The following POU1F1 variants were observed in gnomAD, a reference collection of about 807,000 sequenced individuals.
POU1F1 encodes POU class 1 homeobox 1, also known as pituitary-specific positive transcription factor 1.
Under a neutral mutation model 32.3 loss-of-function variants are expected in POU1F1, and 23 were observed. The observed-to-expected ratio is 0.71, with a 90% CI of 0.51 to 1.01. The LOEUF is 1.01. Among genes scored for constraint, POU1F1 ranks in the 50% least tolerant of loss-of-function variants. POU1F1 has a pLI of 0.00. For synonymous variants in POU1F1, 120 were observed against 115.6 expected, an observed-to-expected ratio of 1.04 and a Z score of -0.25; for missense variants, 323 against 341.6, an observed-to-expected ratio of 0.95 and a Z score of 0.43.
intron 1 of POU1F1, among the ~76,000 whole-genome samples, chr3:87,275,213 C>A (rs916093814): frequency 1.3e-5 from 2 of 151,862 alleles, no homozygotes; most frequent in African/African-American, 2.4e-5. Context: ...TTACAGAAAT[C>A]TTTGGCGGAT....
At chr3:87,273,196 G>T in intron 2 of POU1F1, 151 bp downstream of exon 2, 1 of 837,322 alleles carries the variant, frequency 1.2e-6, no homozygotes, top group Non-Finnish European at 1.9e-6. Context: ...GTGTCACAGA[G>T]CAGGAAACAA....
At chr3:87,272,222 T>C (rs1213055882) in intron 2 of POU1F1, among the ~76,000 whole-genome samples, 1 of 151,794 alleles carries the variant, frequency 6.6e-6, no homozygotes, top group Non-Finnish European at 1.5e-5. Context: ...CACACACACA[T>C]TTACTCACAC....
At chr3:87,275,104 T>G (rs1232206778) in intron 1 of POU1F1, among the ~76,000 whole-genome samples, 3 of 151,986 alleles carry the variant, frequency 2.0e-5, no homozygotes, top group Non-Finnish European at 2.9e-5. Context: ...TATGTGGTAA[T>G]TGCTTAGATT....
intron 2 of POU1F1, among the ~76,000 whole-genome samples, chr3:87,269,639 T>A (rs1299250579): frequency 6.6e-6 from 1 of 152,186 alleles, no homozygotes; most frequent in East Asian, 1.9e-4. Flanking sequence ...CTGATTTCCG[T>A]TTTCTTCTGT....
intron 1 of POU1F1, 67 bp from the exon 2 acceptor site, chr3:87,273,485 A>G (rs1559618865): frequency 4.4e-6 from 7 of 1,605,060 alleles, no homozygotes; most frequent in Non-Finnish European, 5.1e-6. Flanking sequence ...ATCAAAGACA[A>G]AATAGATGGG....
intron 2 of POU1F1, among the ~76,000 whole-genome samples, chr3:87,269,099 C>T (rs1019643102): frequency 6.6e-6 from 1 of 152,158 alleles, no homozygotes; most frequent in African/African-American, 2.4e-5. Context: ...GAACATGTAT[C>T]TGAATATTTC....
chr3:87,274,172 A>G (rs1706783152), intron 1 of POU1F1, among the ~76,000 whole-genome samples: 3 of 152,134 alleles, frequency 2.0e-5, no homozygotes, highest in African/African-American at 7.2e-5. Flanking sequence ...ATATCCATAA[A>G]GCCATAAAGC....
chr3:87,266,487 C>A lies in POU1F1; in HGVS notation c.215-1975G>T, dbSNP rs1404356792. Reference sequence around the variant, plus strand: ...TGAGAGATTAAACAAATTAGCATAACATAAATTTATCTGCTCTAAAGCTGG... The same window carrying A: ...TGAGAGATTAAACAAATTAGCATAAAATAAATTTATCTGCTCTAAAGCTGG... On this transcript the variant is annotated intron_variant, in intron 2 of 5. Coordinates refer to ENST00000350375, the MANE Select transcript of POU1F1 (RefSeq NM_000306.4). Among the ~76,000 whole-genome samples the A allele has an allele frequency of 4.6e-5, 7 of 150,734 alleles. No individual in the cohort carries two copies. The South Asian group carries it at 1.0e-3, about 22-fold the overall frequency.
At chr3:87,262,967 G>A (rs1026130424) in intron 3 of POU1F1, among the ~76,000 whole-genome samples, 2 of 152,010 alleles carry the variant, frequency 1.3e-5, no homozygotes, top group African/African-American at 2.4e-5. Flanking sequence ...ACATGTAATA[G>A]CTACATATTA....
chr3:87,263,603 A>G (rs1706552023), intron 3 of POU1F1, among the ~76,000 whole-genome samples: 1 of 152,126 alleles, frequency 6.6e-6, no homozygotes, highest in African/African-American at 2.4e-5. Flanking sequence ...TTGATCAAGC[A>G]ATTGTGCTTC....
chr3:87,271,083 T>C (rs1451597032), intron 2 of POU1F1, among the ~76,000 whole-genome samples: 2 of 152,082 alleles, frequency 1.3e-5, no homozygotes, highest in East Asian at 3.9e-4. Context: ...CTCCAGACCT[T>C]GGTGTAAGTC....
intron 2 of POU1F1, among the ~76,000 whole-genome samples, chr3:87,266,365 A>G (rs1032583894): frequency 6.8e-6 from 1 of 147,262 alleles, no homozygotes; most frequent in Non-Finnish European, 1.5e-5. Context: ...AATTATAAAT[A>G]TATAATTATA....
chr3:87,276,335 T>C lies in POU1F1; in HGVS notation c.128A>G (p.Asn43Ser), dbSNP rs144297311. ...GGAGTCAGTACCTGTAGACATCACATTGGTGGCATGGTTGGAGACTGGTAG... is the reference window on the plus strand; with the variant it reads ...GGAGTCAGTACCTGTAGACATCACACTGGTGGCATGGTTGGAGACTGGTAG... ...ECLPVSNHAT[N>S]VMSTATGLHY... The change falls in exon 1 of 6, where the codon AAT becomes AGT. Residue 43 changes from asparagine to serine, a missense_variant. Transcript: ENST00000350375. The C allele has an allele frequency of 1.5e-5, 24 of 1,613,832 alleles. No homozygotes were observed. In the South Asian group the frequency reaches 1.9e-4, roughly 13 times the overall value.
rs1354885937 is a variant in POU1F1 at position 87,276,367 on chromosome 3, G to C, written c.96C>G (p.Ala32=). The change falls in exon 1 of 6, where the codon GCC becomes GCG. Residue 32 remains alanine, a synonymous_variant. Coordinates refer to ENST00000350375, the MANE Select transcript of POU1F1 (RefSeq NM_000306.4). The part of the protein sequence containing the change: ...TLPLIMHHSA[A]ECLPVSNHAT... ...CATGGTTGGAGACTGGTAGACACTC[G>C]GCAGCACTGTGATGCATTATCAGAG... is the stretch of plus-strand genomic sequence containing the variant. 1.2e-6 allele frequency: 2 copies of C among 1,613,806 alleles called. No individual in the cohort carries two copies. The highest frequency in any genetic ancestry group is 1.7e-6 in the Non-Finnish European group (2 of 1,179,930).
chr3:87,261,091 A>G (rs1706505995), intron 5 of POU1F1, among the ~76,000 whole-genome samples, 182 bp downstream of exon 5: 1 of 151,910 alleles, frequency 6.6e-6, no homozygotes, highest in Admixed American at 6.6e-5. Flanking sequence ...TTGTATTTTT[A>G]GTAGAAACAG....
chr3:87,259,606 C>T lies in POU1F1; in HGVS notation c.*288G>A, dbSNP rs1342909893. 14 of 384,512 alleles carry T rather than the reference C, an allele frequency of 3.6e-5. No individual in the cohort carries two copies. The highest frequency in any genetic ancestry group is 1.3e-4 in the South Asian group (5 of 38,096). The allele number at this position is 384,512 out of a possible 1,614,324, so 23.8% of individuals were successfully genotyped here. On this transcript the variant is annotated 3_prime_UTR_variant, in exon 6 of 6. Transcript: ENST00000350375. Reference sequence around the variant, plus strand: ...TTATAAACCCATACTCATATGTCTGCGTGTGTGTGAGAAAGAGAGCGGGAG... The same window carrying T: ...TTATAAACCCATACTCATATGTCTGTGTGTGTGTGAGAAAGAGAGCGGGAG...
At chr3:87,269,017 T>TA (rs147077952) in intron 2 of POU1F1, among the ~76,000 whole-genome samples, 4,116 of 152,166 alleles carry the variant, frequency 0.027, 80 homozygotes, top group African/African-American at 0.042. Context: ...CTTGATGCCT[T>TA]AAAAAAACAA....
At chr3:87,268,759 T>G (rs1276506547) in intron 2 of POU1F1, among the ~76,000 whole-genome samples, 1 of 152,156 alleles carries the variant, frequency 6.6e-6, no homozygotes, top group Non-Finnish European at 1.5e-5. Flanking sequence ...AGCTCAGAAG[T>G]GTTTGCACAC....
chr3:87,267,418 A>T (rs1468920867), intron 2 of POU1F1, among the ~76,000 whole-genome samples: 1 of 152,182 alleles, frequency 6.6e-6, no homozygotes, highest in African/African-American at 2.4e-5. Flanking sequence ...CATCAAAATC[A>T]TTGCCCGGTT....
Sources: allele counts gnomAD v4.1 joint callset (sites outside exome capture counted in the v4.1 genomes callset), GRCh38; gene constraint gnomAD v4.1.1; transcripts MANE v1.5; gene names NCBI Gene and HGNC (gene_info 2026-07-23, HGNC 2026-07-21).